CCZ1B: variants seen among roughly 807,000 people sequenced by gnomAD.
The protein encoded by CCZ1B is vacuolar fusion protein CCZ1 homolog B.
CCZ1B carries 25 observed loss-of-function variants against 58.8 expected under a neutral mutation model. The observed-to-expected ratio is 0.43, with a 90% confidence interval of 0.31 to 0.59. The LOEUF (loss-of-function observed/expected upper bound fraction) is 0.59. Ranked by LOEUF, CCZ1B falls within the 20% of genes least tolerant of loss-of-function variation. The probability of loss-of-function intolerance (pLI) is 0.12; values close to 1 mark genes in which losing one functional copy is unlikely to be tolerated. For synonymous variants in CCZ1B, 66 were observed against 173.2 expected (o/e 0.38, Z 4.86); for missense variants, 180 against 501.5 (o/e 0.36, Z 6.12).
intron 12 of CCZ1B, among the ~76,000 whole-genome samples, chr7:6,803,434 G>A (rs1334583266): frequency 5.2e-5 from 2 of 38,494 alleles, no homozygotes; most frequent in Non-Finnish European, 9.6e-5. Context: ...GCTGAGGCAG[G>A]AGAATTGCTT....
chr7:6,808,860 C>T (rs1782875523), intron 10 of CCZ1B, among the ~76,000 whole-genome samples: 1 of 151,498 alleles, frequency 6.6e-6, no homozygotes, highest in Non-Finnish European at 1.5e-5. Flanking sequence ...ATGTGCATGC[C>T]ACCATGCCTG....
intron 7 of CCZ1B, among the ~76,000 whole-genome samples, chr7:6,815,072 G>A (rs1187869173): frequency 1.3e-5 from 2 of 148,434 alleles, no homozygotes; most frequent in African/African-American, 2.6e-5. Flanking sequence ...TCTTAGCATT[G>A]AGGTAAATCT....
chr7:6,813,917 A>C (rs1408490230), intron 8 of CCZ1B, among the ~76,000 whole-genome samples: 1 of 148,678 alleles, frequency 6.7e-6, no homozygotes, highest in Non-Finnish European at 1.5e-5. Context: ...AAGCTGACGC[A>C]GGTCAATCAC....
At chr7:6,822,148 G>C in intron 6 of CCZ1B, 133 bp downstream of exon 6, 3 of 1,352,706 alleles carry the variant, frequency 2.2e-6, no homozygotes, top group Non-Finnish European at 3.0e-6. Context: ...GTTTTGCGAC[G>C]GTCTGTCTCA....
Position 6,822,274 on chromosome 7 carries a change from T to C in CCZ1B, c.522+7A>G, listed in dbSNP as rs1783124142. 6.3e-7 allele frequency: 1 copy of C among 1,575,968 alleles called. No individual in the cohort carries two copies. Among genetic ancestry groups the C allele is most frequent in the Non-Finnish European group, 8.6e-7 (1 of 1,167,330 alleles). On this transcript the variant is annotated splice_region_variant and intron_variant, in intron 6 of 14. Transcript: ENST00000316731. ...GTAAAGTTATAAATGAAATTCAAAA[T>C]ACTTACCCGATGGAAGAATTTCTCT...
rs1783153396 is a variant in CCZ1B, at chr7:6,823,809, G to A, written c.390+280C>T. On this transcript the variant is annotated intron_variant, in intron 4 of 14. Transcript: ENST00000316731. ...ACTAGGATTACAGGTGTGAGCCACT[G>A]TTCCCAGCCAGAAGTGTTTAAACTC... 1.0e-5 allele frequency: 4 copies of A among 393,572 alleles called. No individual in the cohort carries two copies. The South Asian group carries it at 1.2e-4, about 11-fold the overall frequency. 24.4% of individuals were successfully genotyped at this position (393,572 alleles called of 1,614,324 possible).
chr7:6,813,915 G>C (rs568064392), intron 8 of CCZ1B, among the ~76,000 whole-genome samples: 4 of 149,136 alleles, frequency 2.7e-5, no homozygotes, highest in Non-Finnish European at 5.9e-5. Context: ...GGAAGCTGAC[G>C]CAGGTCAATC....
chr7:6,823,512 G>GTT (rs1562433408), intron 4 of CCZ1B, 152 bp from the exon 5 acceptor site: 10 of 777,024 alleles, frequency 1.3e-5, no homozygotes, highest in African/African-American at 5.3e-5. Context: ...AAGTGTTTGC[G>GTT]TTCTTTTTTT....
In CCZ1B at chr7:6,823,571, C is replaced by T. The variant is rs186339808; in HGVS notation, c.391-211G>A. Among the ~76,000 whole-genome samples the T allele has an allele frequency of 2.7e-3, 348 of 127,412 alleles. 14 individuals are homozygous for T. The highest frequency in any genetic ancestry group is 0.011 in the African/African-American group (327 of 30,578). 83.6% of individuals were successfully genotyped at this position (127,412 alleles called of 152,430 possible). A position where few individuals can be genotyped will look rare whatever the true frequency, so the allele number is the denominator to read the frequency against. On this transcript the variant is annotated intron_variant, in intron 4 of 14. Transcript: ENST00000316731. ...TCTCGCTCTGTTGTCCAGGCTGGAG[C>T]GCAGTGGTACAATCCTGGCTCACTG... is the stretch of plus-strand genomic sequence containing the variant.
At chr7:6,825,502 G>A (rs1454328700) in intron 1 of CCZ1B, among the ~76,000 whole-genome samples, 10 of 130,506 alleles carry the variant, frequency 7.7e-5, no homozygotes, top group Non-Finnish European at 1.4e-4. Flanking sequence ...CTCCCATCTC[G>A]GCCTCCTAAA....
At chr7:6,815,028 G>A (rs1782978175) in intron 7 of CCZ1B, among the ~76,000 whole-genome samples, 183 bp from the exon 8 acceptor site, 1 of 147,932 alleles carries the variant, frequency 6.8e-6, no homozygotes, top group South Asian at 2.1e-4. Context: ...TTCTACCTGA[G>A]ATCAAAATGA....
Position 6,822,273 on chromosome 7 carries a change from A to T in CCZ1B, c.522+8T>A, listed in dbSNP as rs1447925489. 6.3e-7 allele frequency: 1 copy of T among 1,574,850 alleles called. No individual in the cohort carries two copies. Among genetic ancestry groups the T allele is most frequent in the Non-Finnish European group, 8.6e-7 (1 of 1,167,002 alleles). ...AGTAAAGTTATAAATGAAATTCAAA[A>T]TACTTACCCGATGGAAGAATTTCTC... is the stretch of plus-strand genomic sequence containing the variant. On this transcript the variant is annotated splice_region_variant and intron_variant, in intron 6 of 14. Transcript: ENST00000316731.
chr7:6,799,236 G>A lies in CCZ1B; in HGVS notation c.1437C>T (p.Phe479=). The A allele has an allele frequency of 9.8e-7, 1 of 1,016,492 alleles. No individual in the cohort carries two copies. The highest frequency in any genetic ancestry group is 1.3e-6 in the Non-Finnish European group (1 of 790,316). 63.0% of individuals were successfully genotyped at this position (1,016,492 alleles called of 1,614,324 possible). A position where few individuals can be genotyped will look rare whatever the true frequency, so the allele number is the denominator to read the frequency against. ...GAGCCGTCATCCGTCAATCCAAGAA[G>A]AAGATGTTGTTGAACTGCGTTGCAC... ...KLCATQFNNI[F]FLD The change falls in exon 15 of 15, where the codon TTC becomes TTT. Residue 479 remains phenylalanine, a synonymous_variant. Transcript: ENST00000316731.
At chr7:6,822,236 T>C (rs370496097) in intron 6 of CCZ1B, 45 bp downstream of exon 6, 58 of 1,561,752 alleles carry the variant, frequency 3.7e-5, no homozygotes, top group Non-Finnish European at 5.0e-5. Context: ...TCTAAAAACC[T>C]GATGAATGCT....
rs1179457861 is a variant in CCZ1B, at chr7:6,820,265, G to A, written c.523-324C>T. On this transcript the variant is annotated intron_variant, in intron 6 of 14. Coordinates refer to ENST00000316731, the MANE Select transcript of CCZ1B (RefSeq NM_198097.5). Reference sequence around the variant, plus strand: ...GCGATCTCAGCTTACTGCAAGCTCCGCCTTCCAGGTTCACACCATTCTCCT... The same window carrying A: ...GCGATCTCAGCTTACTGCAAGCTCCACCTTCCAGGTTCACACCATTCTCCT... Among the ~76,000 whole-genome samples the A allele has an allele frequency of 2.7e-5, 4 of 149,454 alleles. 1 individual carries two copies. The highest frequency in any genetic ancestry group is 6.7e-5 in the Admixed American group (1 of 15,018).
intron 7 of CCZ1B, among the ~76,000 whole-genome samples, chr7:6,817,488 G>A (rs530169925): frequency 6.7e-6 from 1 of 149,882 alleles, no homozygotes; most frequent in African/African-American, 2.5e-5. Flanking sequence ...CTTGTCACAC[G>A]ACATCTCCCT....
chr7:6,822,642 C>A (rs1783129983), intron 5 of CCZ1B, among the ~76,000 whole-genome samples: 1 of 148,190 alleles, frequency 6.7e-6, no homozygotes, highest in Non-Finnish European at 1.5e-5. Flanking sequence ...ATAATATCAC[C>A]CACATTTCTG....
chr7:6,825,665 C>CACACACACACACACA (rs1423276149), intron 1 of CCZ1B, among the ~76,000 whole-genome samples: 2 of 111,568 alleles, frequency 1.8e-5, no homozygotes, highest in East Asian at 2.9e-4. Flanking sequence ...ACACACACAC[C>CACACACACACACACA]CCTCCCGAAA....
intron 6 of CCZ1B, among the ~76,000 whole-genome samples, chr7:6,821,556 G>A (rs550530140): frequency 3.4e-4 from 52 of 152,236 alleles, no homozygotes; most frequent in Non-Finnish European, 5.3e-4. Flanking sequence ...AGATACAGAA[G>A]GTATTTTCAG....
Sources: gnomAD v4.1 joint callset for allele counts (sites outside exome capture counted in the v4.1 genomes callset) on GRCh38, gnomAD v4.1.1 for gene constraint, MANE v1.5 for transcripts, NCBI Gene and HGNC (gene_info 2026-07-23, HGNC 2026-07-21) for gene names.